The following ST8SIA6 variants were observed in gnomAD, a reference collection of about 807,000 sequenced individuals.
The protein encoded by ST8SIA6 is ST8 alpha-N-acetyl-neuraminide alpha-2,8-sialyltransferase 6, also known as alpha-2,8-sialyltransferase 8F.
Under a neutral mutation model 33.6 loss-of-function variants are expected in ST8SIA6, and 39 were observed. The ratio of observed to expected loss-of-function variants is 1.16; its 90% CI spans 0.90 to 1.52. ST8SIA6 has a LOEUF of 1.52. Among genes scored for constraint, ST8SIA6 ranks in the 40% most tolerant of loss-of-function variants. ST8SIA6 has a pLI of 0.00. For missense variants in ST8SIA6, 441 were observed against 443.8 expected (o/e 0.99, Z 0.06); for synonymous variants, 172 against 167.2 (o/e 1.03, Z -0.22).
intron 2 of ST8SIA6, among the ~76,000 whole-genome samples, chr10:17,420,712 C>T (rs907006354): frequency 2.1e-4 from 32 of 152,178 alleles, no homozygotes; most frequent in Admixed American, 1.3e-4. Context: ...CAGGTGTCCT[C>T]TGTGAAAGGA....
At chr10:17,375,980 C>T (rs1004104951) in intron 3 of ST8SIA6, among the ~76,000 whole-genome samples, 3 of 152,238 alleles carry the variant, frequency 2.0e-5, no homozygotes, top group Non-Finnish European at 4.4e-5. Flanking sequence ...CGGATTACCA[C>T]TGATTGGTGC....
chr10:17,379,103 G>A (rs979474770), intron 3 of ST8SIA6, among the ~76,000 whole-genome samples: 1 of 150,556 alleles, frequency 6.6e-6, no homozygotes, highest in African/African-American at 2.5e-5. Flanking sequence ...TCCAGCCTGG[G>A]TGACAAGAGT....
chr10:17,439,021 A>C (rs530691117), intron 2 of ST8SIA6, among the ~76,000 whole-genome samples: 3 of 152,230 alleles, frequency 2.0e-5, no homozygotes, highest in Non-Finnish European at 4.4e-5. Flanking sequence ...CACAGCCTCC[A>C]TAAGATGACA....
intron 2 of ST8SIA6, among the ~76,000 whole-genome samples, chr10:17,432,488 T>C (rs1852132867): frequency 6.6e-6 from 1 of 152,186 alleles, no homozygotes. Context: ...TTATGATACA[T>C]TATTATTGCC....
intron 5 of ST8SIA6, among the ~76,000 whole-genome samples, chr10:17,330,546 T>TA (rs972083745): frequency 6.6e-6 from 1 of 151,974 alleles, no homozygotes; most frequent in Non-Finnish European, 1.5e-5. Context: ...AATCCTAATA[T>TA]AAAAAAAATT....
intron 4 of ST8SIA6, among the ~76,000 whole-genome samples, chr10:17,350,604 C>T (rs985790031): frequency 6.6e-6 from 1 of 151,870 alleles, no homozygotes; most frequent in Admixed American, 6.6e-5. Flanking sequence ...TCCATTTCAG[C>T]CCCAATAGAT....
chr10:17,327,597 A>G (rs906163488), intron 5 of ST8SIA6, among the ~76,000 whole-genome samples: 1 of 150,496 alleles, frequency 6.6e-6, no homozygotes, highest in African/African-American at 2.5e-5. Context: ...AAAACAAAAC[A>G]AAACAACAAC....
At chr10:17,374,752 A>AAATATATATATATATATATATAT (rs1849849506) in intron 3 of ST8SIA6, among the ~76,000 whole-genome samples, 2 of 123,304 alleles carry the variant, frequency 1.6e-5, no homozygotes, top group African/African-American at 6.2e-5. Context: ...ATAAATAATA[A>AAATATATATATATATATATATAT]ATATATATAT....
chr10:17,432,432 C>T (rs1255044897), intron 2 of ST8SIA6, among the ~76,000 whole-genome samples: 1 of 152,072 alleles, frequency 6.6e-6, no homozygotes, highest in African/African-American at 2.4e-5. Context: ...ACGCATTTGC[C>T]GTGATGTAAT....
At chr10:17,435,022 G>A (rs1852208010) in intron 2 of ST8SIA6, among the ~76,000 whole-genome samples, 1 of 152,192 alleles carries the variant, frequency 6.6e-6, no homozygotes, top group African/African-American at 2.4e-5. Flanking sequence ...TTTCAAAAAT[G>A]GCCTGGGGCC....
chr10:17,440,070 G>A (rs966077136), intron 2 of ST8SIA6, among the ~76,000 whole-genome samples: 1 of 152,162 alleles, frequency 6.6e-6, no homozygotes, highest in African/African-American at 2.4e-5. Flanking sequence ...GTATAACTAT[G>A]GGATTCAGGA....
chr10:17,361,720 A>G (rs1849396922), intron 3 of ST8SIA6, among the ~76,000 whole-genome samples: 1 of 151,736 alleles, frequency 6.6e-6, no homozygotes, highest in South Asian at 2.1e-4. Flanking sequence ...GGGAAAAAAA[A>G]AAAAAAACCG....
intron 3 of ST8SIA6, among the ~76,000 whole-genome samples, chr10:17,381,708 T>C (rs1850157767): frequency 6.6e-6 from 1 of 152,224 alleles, no homozygotes; most frequent in South Asian, 2.1e-4. Context: ...TGGCATGGGT[T>C]ACAAAACTGT....
chr10:17,414,438 G>T (rs151293099), intron 2 of ST8SIA6, among the ~76,000 whole-genome samples: 31 of 152,262 alleles, frequency 2.0e-4, no homozygotes, highest in Non-Finnish European at 3.2e-4. Context: ...AGCCTGCAGA[G>T]GAGCAACACT....
At chr10:17,426,966 G>A (rs763901878) in intron 2 of ST8SIA6, among the ~76,000 whole-genome samples, 12 of 152,130 alleles carry the variant, frequency 7.9e-5, no homozygotes, top group African/African-American at 2.4e-4. Context: ...GCCAGGCATG[G>A]TGGTGTGCAC....
In ST8SIA6 at chr10:17,320,904, G is replaced by A. The variant is rs751129824; in HGVS notation, c.1171C>T (p.Gln391Ter). The A allele has an allele frequency of 1.2e-6, 2 of 1,613,964 alleles. No homozygotes were observed. The highest frequency in any genetic ancestry group is 2.2e-5 in the South Asian group (2 of 91,074). ...QLHMKGILKL[Q>*]FSKCEVA ...TAGGCGACTTCACATTTGCTAAATT[G>A]CAGTTTGAGGATTCCTTTCATGTGA... Residue 391 changes from glutamine (Q) to a stop codon, truncating the protein, a stop_gained, in exon 8 of 8, where the codon CAA (glutamine) becomes TAA (stop). Transcript: ENST00000377602. LOFTEE classifies it high-confidence loss of function.
chr10:17,436,839 G>A (rs1588924181), intron 2 of ST8SIA6, among the ~76,000 whole-genome samples: 1 of 152,034 alleles, frequency 6.6e-6, no homozygotes, highest in Non-Finnish European at 1.5e-5. Context: ...TTTATAAAGG[G>A]TAGTTTTCCT....
At position 17,453,670 on chromosome 10, in the gene ST8SIA6, G is replaced by A. The variant is rs1376887151; in HGVS notation, c.102-13C>T. 7.7e-7 allele frequency: 1 copy of A among 1,303,288 alleles called. No individual in the cohort carries two copies. The highest frequency in any genetic ancestry group is 1.5e-5 in the African/African-American group (1 of 66,360). 80.7% of individuals were successfully genotyped at this position (1,303,288 alleles called of 1,614,324 possible). ...CTCCACCAGAATCCTGCACAGCCGG[G>A]GAGAAAACTTAAGTTGCTACACCCC... On this transcript the variant is annotated splice_polypyrimidine_tract_variant and intron_variant, in intron 1 of 7. Transcript: ENST00000377602.
At chr10:17,365,183 C>G (rs116990156) in intron 3 of ST8SIA6, among the ~76,000 whole-genome samples, 5,581 of 152,140 alleles carry the variant, frequency 0.037, 196 homozygotes, top group Non-Finnish European at 0.053. Flanking sequence ...TAGTAATACT[C>G]GAACCACAAA....
Sources: gnomAD v4.1 joint callset for allele counts (sites outside exome capture counted in the v4.1 genomes callset) on GRCh38, gnomAD v4.1.1 for gene constraint, MANE v1.5 for transcripts, NCBI Gene and HGNC (gene_info 2026-07-23, HGNC 2026-07-21) for gene names.